VTI1A: variants seen among roughly 807,000 people sequenced by gnomAD.
VTI1A encodes the protein vesicle transport through interaction with t-SNAREs 1A.
VTI1A carries 22 observed loss-of-function variants against 34.9 expected under a neutral mutation model. The ratio of observed to expected loss-of-function variants is 0.63; its 90% CI spans 0.45 to 0.90. The LOEUF (loss-of-function observed/expected upper bound fraction) is 0.90. Among genes scored for constraint, VTI1A ranks in the 40% least tolerant of loss-of-function variants. The pLI, the probability that VTI1A is intolerant of heterozygous loss-of-function variation, is 0.00. For missense variants in VTI1A, 268 were observed against 275.6 expected, an observed-to-expected ratio of 0.97 and a Z score of 0.20; for synonymous variants, 87 against 97.3, an observed-to-expected ratio of 0.89 and a Z score of 0.62.
rs367733556 is a variant in VTI1A at position 112,668,968 on chromosome 10, G to C, written c.530G>C (p.Ser177Thr). The C allele has an allele frequency of 7.4e-6, 12 of 1,612,344 alleles. No homozygotes were observed. The highest frequency in any genetic ancestry group is 2.7e-5 in the African/African-American group (2 of 74,824). The change falls in exon 7 of 8, where the codon AGC becomes ACC. Residue 177 changes from serine (S) to threonine (T), a missense_variant. Coordinates refer to ENST00000393077, the MANE Select transcript of VTI1A (RefSeq NM_145206.4). ...LRETDANLGKSSRILTGMLRR... is the reference protein window; with the variant it reads ...LRETDANLGKTSRILTGMLRR... ...GAAACAGATGCTAATTTGGGAAAAA[G>C]CTCCAGGATTCTGACAGGGATGTTG...
chr10:112,686,711 A>G (rs186314254), intron 7 of VTI1A, among the ~76,000 whole-genome samples: 5 of 152,300 alleles, frequency 3.3e-5, no homozygotes, highest in South Asian at 2.1e-4. Context: ...TGCCTACTAT[A>G]TGCTCTGGAC....
chr10:112,650,663 C>T (rs1055198307), intron 5 of VTI1A, among the ~76,000 whole-genome samples: 10 of 152,160 alleles, frequency 6.6e-5, no homozygotes, highest in African/African-American at 2.4e-4. Flanking sequence ...ACGAGTAATG[C>T]ATTGTGCTAC....
At chr10:112,618,944 T>A (rs1845626625) in intron 5 of VTI1A, among the ~76,000 whole-genome samples, 1 of 152,114 alleles carries the variant, frequency 6.6e-6, no homozygotes, top group Admixed American at 6.5e-5. Context: ...TCACACAGCC[T>A]ATCATGACAA....
the VTI1A span, among the ~76,000 whole-genome samples, chr10:112,849,734 G>T: frequency 7.7e-3 from 1,174 of 152,350 alleles, 17 homozygotes; most frequent in Non-Finnish European, 0.01. Context: ...ATGGGGTTGT[G>T]ATCCGCAACT....
chr10:112,477,333 G>C (rs541777151), intron 3 of VTI1A, among the ~76,000 whole-genome samples: 2 of 152,322 alleles, frequency 1.3e-5, no homozygotes, highest in East Asian at 1.9e-4. Flanking sequence ...AAATGCTTAA[G>C]TGCGATCATA....
chr10:112,634,498 C>G (rs1403310483), intron 5 of VTI1A, among the ~76,000 whole-genome samples: 1 of 117,214 alleles, frequency 8.5e-6, no homozygotes, highest in Non-Finnish European at 1.8e-5. Context: ...CACACACACA[C>G]AGACACACAC....
At chr10:112,625,582 G>A (rs1310567975) in intron 5 of VTI1A, among the ~76,000 whole-genome samples, 2 of 136,300 alleles carry the variant, frequency 1.5e-5, no homozygotes, top group South Asian at 2.2e-4. Flanking sequence ...AGAGGTTGCA[G>A]TGAGCTGAGA....
intron 7 of VTI1A, among the ~76,000 whole-genome samples, chr10:112,746,273 A>G: frequency 6.6e-6 from 1 of 152,210 alleles, no homozygotes. Context: ...AGTATTTCTC[A>G]GCATGCCCCA....
intron 5 of VTI1A, among the ~76,000 whole-genome samples, chr10:112,610,288 G>T (rs1025563234): frequency 4.6e-5 from 7 of 151,850 alleles, no homozygotes; most frequent in Non-Finnish European, 1.0e-4. Context: ...CTTCAAAGAA[G>T]CCAATGATGA....
intron 7 of VTI1A, among the ~76,000 whole-genome samples, chr10:112,813,717 T>C (rs151226098): frequency 6.6e-6 from 1 of 152,340 alleles, no homozygotes; most frequent in African/African-American, 2.4e-5. Flanking sequence ...CTTGAGTAAG[T>C]GTGGCCTGTT....
chr10:112,654,582 T>C (rs1847159041), intron 5 of VTI1A, among the ~76,000 whole-genome samples: 1 of 152,124 alleles, frequency 6.6e-6, no homozygotes, highest in Admixed American at 6.5e-5. Flanking sequence ...AAGCTCCACC[T>C]CCTGGGTTCA....
intron 7 of VTI1A, among the ~76,000 whole-genome samples, chr10:112,760,997 C>T (rs1590161263): frequency 6.6e-6 from 1 of 151,898 alleles, no homozygotes; most frequent in East Asian, 1.9e-4. Context: ...GACATAGAAC[C>T]CTTGTCAGCA....
chr10:112,595,372 G>A (rs1202315743), intron 5 of VTI1A, among the ~76,000 whole-genome samples: 2 of 150,442 alleles, frequency 1.3e-5, no homozygotes, highest in East Asian at 1.9e-4. Context: ...GAGTGAACAG[G>A]CAACCTACAA....
intron 7 of VTI1A, among the ~76,000 whole-genome samples, chr10:112,782,465 G>A (rs533346428): frequency 5.3e-5 from 8 of 152,256 alleles, no homozygotes; most frequent in Non-Finnish European, 1.0e-4. Flanking sequence ...CGTTTCCAAG[G>A]CCTTCTGAGT....
At chr10:112,634,970 C>G (rs1564858855) in intron 5 of VTI1A, among the ~76,000 whole-genome samples, 1 of 152,162 alleles carries the variant, frequency 6.6e-6, no homozygotes, top group Non-Finnish European at 1.5e-5. Context: ...TTTTCTGTGT[C>G]TTCCTTAACT....
intron 7 of VTI1A, among the ~76,000 whole-genome samples, chr10:112,675,761 A>C (rs1228302257): frequency 1.3e-5 from 2 of 152,148 alleles, no homozygotes; most frequent in African/African-American, 2.4e-5. Flanking sequence ...GTCTTGTTTA[A>C]TTACTCATGT....
chr10:112,520,647 GTATATATA>G (rs35437904), intron 3 of VTI1A, among the ~76,000 whole-genome samples: 57 of 128,986 alleles, frequency 4.4e-4, no homozygotes, highest in Non-Finnish European at 8.1e-4. Context: ...GTGTGTGTGT[GTATATATA>G]TATATATATA....
In VTI1A at chr10:112,653,415, G is replaced by A. The variant is rs181847835; in HGVS notation, c.428-14803G>A. 2.3e-3 allele frequency among the ~76,000 whole-genome samples: 354 copies of A among 152,242 alleles called. 4 individuals carry two copies. The highest frequency in any genetic ancestry group is 3.4e-3 in the Middle Eastern group (1 of 294). ...TGTGCGAAGTATAGGTCCAAATTGCGCAACCAGAATGCCCATGACGTCGGC... is the reference window on the plus strand; with the variant it reads ...TGTGCGAAGTATAGGTCCAAATTGCACAACCAGAATGCCCATGACGTCGGC... On this transcript the variant is annotated intron_variant, in intron 5 of 7. Coordinates refer to ENST00000393077, the MANE Select transcript of VTI1A (RefSeq NM_145206.4).
chr10:112,739,600 C>T (rs1210550792), intron 7 of VTI1A, among the ~76,000 whole-genome samples: 3 of 152,234 alleles, frequency 2.0e-5, no homozygotes, highest in African/African-American at 7.2e-5. Flanking sequence ...CAGAGACATT[C>T]TTTTCACTCA....
Sources: allele counts gnomAD v4.1 joint callset (sites outside exome capture counted in the v4.1 genomes callset), GRCh38; gene constraint gnomAD v4.1.1; transcripts MANE v1.5; gene names NCBI Gene and HGNC (gene_info 2026-07-23, HGNC 2026-07-21).